IL17RD: variants seen among roughly 807,000 people sequenced by gnomAD.
The protein encoded by IL17RD is interleukin 17 receptor D.
Under a neutral mutation model 80.5 loss-of-function variants are expected in IL17RD, and 52 were observed. That is an observed-to-expected ratio of 0.65 (90% confidence interval 0.52 to 0.81). IL17RD has a LOEUF of 0.81. Among genes scored for constraint, IL17RD ranks in the 40% least tolerant of loss-of-function variants. IL17RD has a pLI of 0.00. For synonymous variants in IL17RD, 416 were observed against 391.8 expected (o/e 1.06, Z -0.73); for missense variants, 1,024 against 955.1 (o/e 1.07, Z -0.95).
chr3:57,140,457 C>T (rs1707807957), intron 1 of IL17RD, among the ~76,000 whole-genome samples: 1 of 152,102 alleles, frequency 6.6e-6, no homozygotes, highest in Non-Finnish European at 1.5e-5. Flanking sequence ...TCAAAGTTAT[C>T]GAATTAGATT....
intron 4 of IL17RD, 51 bp from the exon 5 acceptor site, chr3:57,109,708 C>G: frequency 6.3e-7 from 1 of 1,584,932 alleles, no homozygotes; most frequent in Admixed American, 1.7e-5. Context: ...ACCCACCCCT[C>G]CACCTTCATA....
At chr3:57,102,987 G>A (rs1268630392) in intron 9 of IL17RD, 104 bp downstream of exon 9, 18 of 750,684 alleles carry the variant, frequency 2.4e-5, no homozygotes, top group African/African-American at 7.1e-5. Flanking sequence ...TAAGAGAGAG[G>A]AGCCAAATTT....
chr3:57,127,281 TATAA>T lies in IL17RD; in HGVS notation c.127-6972_127-6969del, dbSNP rs1707492730. On this transcript the variant is annotated intron_variant, in intron 1 of 12. Transcript: ENST00000296318. ...ATATATAAATATATATAAAAATATA[TATAA>T]ATATATATAAATATATATAAAAATA... Among the ~76,000 whole-genome samples, 3 of 84,898 alleles carry T rather than the reference TATAA, an allele frequency of 3.5e-5. 1 individual carries two copies. Among genetic ancestry groups the T allele is most frequent in the Non-Finnish European group, 6.3e-5 (3 of 47,670 alleles). The allele number at this position is 84,898 out of a possible 152,430, so 55.7% of individuals were successfully genotyped here. A position where few individuals can be genotyped will look rare whatever the true frequency, so the allele number is the denominator to read the frequency against.
intron 1 of IL17RD, among the ~76,000 whole-genome samples, chr3:57,160,653 T>C (rs370872720): frequency 5.3e-5 from 8 of 152,176 alleles, no homozygotes; most frequent in African/African-American, 1.9e-4. Context: ...GAGAAAGTCT[T>C]CACATTCTTC....
At chr3:57,139,237 G>A (rs1013698532) in intron 1 of IL17RD, among the ~76,000 whole-genome samples, 7 of 152,092 alleles carry the variant, frequency 4.6e-5, no homozygotes, top group African/African-American at 1.2e-4. Flanking sequence ...GTTAGGGCAC[G>A]CATGGAGGAA....
At chr3:57,147,892 G>C (rs1207221902) in intron 1 of IL17RD, among the ~76,000 whole-genome samples, 2 of 152,140 alleles carry the variant, frequency 1.3e-5, no homozygotes, top group Non-Finnish European at 1.5e-5. Flanking sequence ...TTAATACTCA[G>C]TAAGCTTCAT....
intron 1 of IL17RD, among the ~76,000 whole-genome samples, chr3:57,157,029 A>G (rs1213801624): frequency 1.3e-5 from 2 of 152,184 alleles, no homozygotes; most frequent in Non-Finnish European, 2.9e-5. Flanking sequence ...TGGAGGGATG[A>G]TGGGGTCGGC....
intron 1 of IL17RD, among the ~76,000 whole-genome samples, chr3:57,158,044 T>C (rs2060280131): frequency 6.6e-6 from 1 of 152,242 alleles, no homozygotes; most frequent in African/African-American, 2.4e-5. Flanking sequence ...TCCCTCATGA[T>C]TTCAAAAGGA....
intron 2 of IL17RD, among the ~76,000 whole-genome samples, chr3:57,115,614 C>T (rs766331389): frequency 9.9e-5 from 15 of 152,178 alleles, no homozygotes; most frequent in Non-Finnish European, 1.5e-4. Context: ...CAAAACCTTC[C>T]GGCCAGAATC....
chr3:57,153,776 T>C (rs1023698277), intron 1 of IL17RD, among the ~76,000 whole-genome samples: 3 of 152,236 alleles, frequency 2.0e-5, no homozygotes, highest in African/African-American at 4.8e-5. Flanking sequence ...GGGACTCTAA[T>C]ATACAGGTGA....
intron 11 of IL17RD, among the ~76,000 whole-genome samples, chr3:57,100,099 C>T (rs529416944): frequency 2.0e-5 from 3 of 152,342 alleles, no homozygotes; most frequent in African/African-American, 7.2e-5. Context: ...AACTATTACA[C>T]TAATAACTGG....
chr3:57,099,761 T>C (rs1706784106), intron 11 of IL17RD, among the ~76,000 whole-genome samples: 1 of 152,252 alleles, frequency 6.6e-6, no homozygotes, highest in South Asian at 2.1e-4. Context: ...TCATCACAAA[T>C]GGGACAATAT....
rs1706825662 is a variant in IL17RD at position 57,101,372 on chromosome 3, G to C, written c.980-9C>G. The C allele has an allele frequency of 6.4e-7, 1 of 1,559,446 alleles. No individual in the cohort carries two copies. The highest frequency in any genetic ancestry group is 1.1e-5 in the South Asian group (1 of 86,978). On this transcript the variant is annotated splice_polypyrimidine_tract_variant and intron_variant, in intron 10 of 12. Transcript: ENST00000296318. The stretch of plus-strand genomic sequence containing the variant: ...ATGTGAATATATATTTTCTAAATTG[G>C]AAAAGAAGATAAGGTTGATACTTGC...
intron 1 of IL17RD, among the ~76,000 whole-genome samples, chr3:57,123,520 T>C (rs766231850): frequency 6.6e-5 from 10 of 152,218 alleles, no homozygotes; most frequent in Admixed American, 2.6e-4. Context: ...GCTTGCCGCA[T>C]CACACTGTGT....
At chr3:57,168,760 A>T (rs958813923), upstream of IL17RD, among the ~76,000 whole-genome samples, 38 of 152,190 alleles carry the variant, frequency 2.5e-4, no homozygotes, top group Non-Finnish European at 5.1e-4. Context: ...CTTGTTGCCC[A>T]GGTTGGAGTG....
chr3:57,165,034 C>G, intron 1 of IL17RD, 127 bp downstream of exon 1: 1 of 1,356,102 alleles, frequency 7.4e-7, no homozygotes, highest in Non-Finnish European at 9.4e-7. Flanking sequence ...AGGAGTGAGA[C>G]CCAGGCCGGC....
upstream of IL17RD, among the ~76,000 whole-genome samples, chr3:57,168,112 G>A (rs1451468415): frequency 3.3e-5 from 5 of 152,192 alleles, no homozygotes; most frequent in East Asian, 7.7e-4. Context: ...GATTACAGAC[G>A]TGAGCCACCA....
At chr3:57,165,505 C>T (rs1335967158), upstream of IL17RD, 4 of 238,860 alleles carry the variant, frequency 1.7e-5, no homozygotes, top group Non-Finnish European at 3.0e-5. Flanking sequence ...CCGTAGACCA[C>T]GCCCCTCTGG....
Position 57,093,320 on chromosome 3 carries a change from AAAT to A in IL17RD, c.*3070_*3072del, listed in dbSNP as rs1404380565. On this transcript the variant is annotated 3_prime_UTR_variant, in exon 13 of 13. Coordinates refer to ENST00000296318, the MANE Select transcript of IL17RD (RefSeq NM_017563.5). The stretch of plus-strand genomic sequence containing the variant: ...GCCCATTTCTCTTCAATAAAGACAG[AAAT>A]AATATTTTCTCTCTTCTTCAGGGAG... 6.6e-6 allele frequency: 1 copy of A among 152,216 alleles called. No homozygotes were observed. The highest frequency in any genetic ancestry group is 1.5e-5 in the Non-Finnish European group (1 of 68,034). 9.4% of individuals were successfully genotyped at this position (152,216 alleles called of 1,614,324 possible).
Sources: allele counts gnomAD v4.1 joint callset (sites outside exome capture counted in the v4.1 genomes callset), GRCh38; gene constraint gnomAD v4.1.1; transcripts MANE v1.5; gene names NCBI Gene and HGNC (gene_info 2026-07-23, HGNC 2026-07-21).